Variants in PTAFR observed in about 807,000 individuals in gnomAD.
PTAFR encodes platelet-activating factor receptor.
In PTAFR, 8 loss-of-function variants were observed where a neutral mutation model predicts 14.7. That is an observed-to-expected ratio of 0.54 (90% CI 0.32 to 0.98). PTAFR has a LOEUF of 0.98. Among genes scored for constraint, PTAFR ranks in the 50% least tolerant of loss-of-function variants. The pLI is 0.04. For synonymous variants in PTAFR, 156 were observed against 176.5 expected, an observed-to-expected ratio of 0.88 and a Z score of 0.92; for missense variants, 337 against 451.2, an observed-to-expected ratio of 0.75 and a Z score of 2.29.
At chr1:28,158,520 A>G (rs1409033596) in intron 1 of PTAFR, among the ~76,000 whole-genome samples, 2 of 152,190 alleles carry the variant, frequency 1.3e-5, no homozygotes, top group African/African-American at 2.4e-5. Flanking sequence ...CAACATGGTG[A>G]AACCCTGTCT....
chr1:28,165,203 G>A (rs913119398), intron 1 of PTAFR, among the ~76,000 whole-genome samples: 2 of 151,958 alleles, frequency 1.3e-5, no homozygotes, highest in Admixed American at 1.3e-4. Flanking sequence ...TCAGGAGTTT[G>A]AGACCAGCCT....
Position 28,164,783 on chromosome 1 carries a change from T to TA in PTAFR, c.-39+11808dup, listed in dbSNP as rs771742944. Among the ~76,000 whole-genome samples the TA allele has an allele frequency of 7.7e-4, 118 of 152,308 alleles. 1 individual carries two copies. The highest frequency in any genetic ancestry group is 3.4e-3 in the Middle Eastern group (1 of 294). ...AGCTTGTCCACTCACAGACCTGTCT[T>TA]ACAGCCTGAGAATGGGAGCTCCAGA... On this transcript the variant is annotated intron_variant, in intron 1 of 1. Transcript: ENST00000373857.
chr1:28,150,264 A>G lies in PTAFR; in HGVS notation c.758T>C (p.Leu253Pro). The stretch of plus-strand genomic sequence containing the variant: ...GCCCAGCTCAGCAAGGGTCCAGGGC[A>G]GCTGCACCACGTGGTGGGGCACGAA... ...ICFVPHHVVQ[L>P]PWTLAELGFQ... Residue 253 changes from leucine (L) to proline (P), a missense_variant, in exon 2 of 2, where the codon CTG becomes CCG. Physicochemically the swap from Leu to Pro is moderately conservative, Grantham distance 98. Transcript: ENST00000373857. The surrounding 1 kb of genome is among the most constrained non-coding windows in gnomAD (Gnocchi z 6.3). 6.2e-7 allele frequency: 1 copy of G among 1,612,552 alleles called. No homozygotes were observed. Among genetic ancestry groups the G allele is most frequent in the Non-Finnish European group, 8.5e-7 (1 of 1,178,760 alleles).
chr1:28,193,368 C>T (rs1008467647), intron 1 of PTAFR, among the ~76,000 whole-genome samples: 5 of 151,750 alleles, frequency 3.3e-5, no homozygotes, highest in African/African-American at 4.8e-5. Flanking sequence ...CGTTGGTGCC[C>T]GTTCGTGTAT....
At chr1:28,192,445 C>A (rs1646661219) in intron 1 of PTAFR, among the ~76,000 whole-genome samples, 1 of 150,650 alleles carries the variant, frequency 6.6e-6, no homozygotes, top group East Asian at 2.0e-4. Flanking sequence ...GTAATCCCAG[C>A]TACTTGGAAG....
At chr1:28,161,157 T>C (rs1487174613) in intron 1 of PTAFR, among the ~76,000 whole-genome samples, 3 of 152,216 alleles carry the variant, frequency 2.0e-5, no homozygotes, top group African/African-American at 4.8e-5. Flanking sequence ...CCTGGCCTCC[T>C]GCACACCCAG....
intron 1 of PTAFR, among the ~76,000 whole-genome samples, chr1:28,173,901 C>T (rs1198802905): frequency 6.6e-6 from 1 of 152,176 alleles, no homozygotes; most frequent in Non-Finnish European, 1.5e-5. Flanking sequence ...GCCAAAGACA[C>T]ACAGAGGCAT....
chr1:28,161,816 C>G (rs967058536), intron 1 of PTAFR, among the ~76,000 whole-genome samples: 4 of 152,072 alleles, frequency 2.6e-5, no homozygotes, highest in Non-Finnish European at 5.9e-5. Context: ...AAAGGGGGGC[C>G]CTTCAAATTG....
upstream of PTAFR, among the ~76,000 whole-genome samples, chr1:28,179,456 T>G (rs1017269005): frequency 1.3e-5 from 2 of 152,110 alleles, no homozygotes; most frequent in African/African-American, 4.8e-5. Flanking sequence ...GGAAACTGAG[T>G]TCAACTCTTT....
intron 1 of PTAFR, among the ~76,000 whole-genome samples, chr1:28,188,256 G>A (rs776144522): frequency 6.6e-5 from 10 of 152,182 alleles, no homozygotes; most frequent in Non-Finnish European, 1.5e-4. Context: ...GACCAGCTTG[G>A]GCAACGTATC....
At chr1:28,166,880 G>A (rs1260172369) in intron 1 of PTAFR, among the ~76,000 whole-genome samples, 1 of 152,132 alleles carries the variant, frequency 6.6e-6, no homozygotes, top group African/African-American at 2.4e-5. Context: ...CAGAGGCTGA[G>A]ACAGGAGGAT....
At chr1:28,162,609 T>A (rs1646336370) in intron 1 of PTAFR, among the ~76,000 whole-genome samples, 1 of 151,962 alleles carries the variant, frequency 6.6e-6, no homozygotes, top group Non-Finnish European at 1.5e-5. Context: ...GTGGATCACT[T>A]GAGGTCAGGA....
chr1:28,165,147 A>G (rs1646368371), intron 1 of PTAFR, among the ~76,000 whole-genome samples: 1 of 152,192 alleles, frequency 6.6e-6, no homozygotes, highest in South Asian at 2.1e-4. Context: ...CATGCCTATA[A>G]TAATCCCAGC....
At chr1:28,158,426 G>A (rs1160157676) in intron 1 of PTAFR, among the ~76,000 whole-genome samples, 2 of 152,200 alleles carry the variant, frequency 1.3e-5, no homozygotes, top group Admixed American at 6.5e-5. Context: ...AGGGCCAGGC[G>A]CGGTGGCTCA....
upstream of PTAFR, among the ~76,000 whole-genome samples, chr1:28,179,499 T>C (rs1346703284): frequency 6.6e-6 from 1 of 152,130 alleles, no homozygotes; most frequent in Non-Finnish European, 1.5e-5. Context: ...TGTTAGCAAA[T>C]TATGTTGGCT....
chr1:28,158,302 C>T (rs1646288691), intron 1 of PTAFR, among the ~76,000 whole-genome samples: 2 of 152,142 alleles, frequency 1.3e-5, no homozygotes, highest in African/African-American at 4.8e-5. Context: ...GACTGCGGGA[C>T]AGAGGCCTGG....
chr1:28,176,444 CAAAAAAAAAAAAA>C (rs532299068), intron 1 of PTAFR, 135 bp downstream of exon 1: 3 of 71,152 alleles, frequency 4.2e-5, no homozygotes, highest in African/African-American at 1.7e-4. Context: ...GACCCTGTCT[CAAAAAAAAAAAAA>C]AAAAAAAAGA....
intron 1 of PTAFR, among the ~76,000 whole-genome samples, chr1:28,169,682 G>C (rs1336364593): frequency 6.6e-6 from 1 of 152,108 alleles, no homozygotes; most frequent in African/African-American, 2.4e-5. Flanking sequence ...GTGGTGTGAA[G>C]AGTCAATGAA....
At chr1:28,173,136 A>T (rs914038280) in intron 1 of PTAFR, among the ~76,000 whole-genome samples, 5 of 145,174 alleles carry the variant, frequency 3.4e-5, no homozygotes, top group African/African-American at 1.3e-4. Context: ...AAAGTTTTTT[A>T]AATTAGCCAG....
Sources: gnomAD v4.1 joint callset for allele counts (sites outside exome capture counted in the v4.1 genomes callset) on GRCh38, gnomAD v4.1.1 for gene constraint, Gnocchi (gnomAD v3.1) non-coding constraint, MANE v1.5 for transcripts, NCBI Gene and HGNC (gene_info 2026-07-23, HGNC 2026-07-21) for gene names.